DOCK2: variants seen among roughly 807,000 people sequenced by gnomAD.
DOCK2 encodes the protein dedicator of cytokinesis protein 2.
In DOCK2, 87 loss-of-function variants were observed where a neutral mutation model predicts 248.9. The ratio of observed to expected loss-of-function variants is 0.35; its 90% CI spans 0.29 to 0.42. DOCK2 has a LOEUF of 0.42. DOCK2 is among the 10% of genes least tolerant of loss of function. The probability of loss-of-function intolerance (pLI) is 1.00; values close to 1 mark genes in which losing one functional copy is unlikely to be tolerated. For missense variants in DOCK2, 1,747 were observed against 2,300.2 expected (o/e 0.76, Z 4.92); for synonymous variants, 805 against 821.6 (o/e 0.98, Z 0.35).
At chr5:169,805,223 A>AG (rs1767284964) in intron 26 of DOCK2, among the ~76,000 whole-genome samples, 1 of 151,502 alleles carries the variant, frequency 6.6e-6, no homozygotes. Flanking sequence ...CTACAAAAAA[A>AG]AAAAAAAAAA....
intron 5 of DOCK2, among the ~76,000 whole-genome samples, chr5:169,671,479 C>T (rs1759048367): frequency 1.3e-5 from 2 of 152,158 alleles, no homozygotes; most frequent in Non-Finnish European, 2.9e-5. Context: ...AAAGCTTCCT[C>T]CCAAGGGGTT....
chr5:169,945,776 A>C (rs962900498), intron 27 of DOCK2, among the ~76,000 whole-genome samples: 6 of 152,216 alleles, frequency 3.9e-5, no homozygotes, highest in Admixed American at 3.3e-4. Context: ...GCTTTTCTTC[A>C]GCAGCCAGCA....
chr5:169,778,043 A>G (rs1201491349), intron 25 of DOCK2, among the ~76,000 whole-genome samples: 1 of 152,148 alleles, frequency 6.6e-6, no homozygotes, highest in African/African-American at 2.4e-5. Flanking sequence ...GCTAACTGTA[A>G]CCTAGGGTTC....
intron 38 of DOCK2, among the ~76,000 whole-genome samples, chr5:170,044,942 G>C (rs1025957741): frequency 6.6e-6 from 1 of 152,094 alleles, no homozygotes; most frequent in African/African-American, 2.4e-5. Flanking sequence ...TGACTCTGCA[G>C]ACCGTCCTGA....
intron 5 of DOCK2, 66 bp from the exon 6 acceptor site, chr5:169,674,231 A>G: frequency 6.3e-7 from 1 of 1,578,050 alleles, no homozygotes. Flanking sequence ...ACTTTGGCAC[A>G]GCCTGCCAAA....
chr5:169,822,784 G>A (rs897130213), intron 26 of DOCK2, among the ~76,000 whole-genome samples: 2 of 152,164 alleles, frequency 1.3e-5, no homozygotes, highest in African/African-American at 4.8e-5. Context: ...AGAACTGAAG[G>A]AGATAGAGAC....
chr5:169,994,008 TC>T (rs1184959965), intron 29 of DOCK2, among the ~76,000 whole-genome samples: 6 of 152,082 alleles, frequency 3.9e-5, no homozygotes, highest in Admixed American at 2.6e-4. Flanking sequence ...TTTCCTTTTT[TC>T]CCCCCACTCT....
At chr5:170,020,731 C>G (rs1755691704) in intron 33 of DOCK2, among the ~76,000 whole-genome samples, 1 of 152,248 alleles carries the variant, frequency 6.6e-6, no homozygotes, top group South Asian at 2.1e-4. Flanking sequence ...CCGTACTATC[C>G]AGCCACCAGT....
intron 1 of DOCK2, among the ~76,000 whole-genome samples, chr5:169,642,114 C>G (rs563184004): frequency 6.6e-6 from 1 of 152,314 alleles, no homozygotes; most frequent in South Asian, 2.1e-4. Flanking sequence ...CAAACATACC[C>G]AGGAGCAGAA....
At chr5:169,719,062 C>T (rs1292015642) in intron 22 of DOCK2, among the ~76,000 whole-genome samples, 1 of 152,192 alleles carries the variant, frequency 6.6e-6, no homozygotes, top group Non-Finnish European at 1.5e-5. Flanking sequence ...TAACATTCTT[C>T]ATTTGATTTG....
At chr5:169,828,259 G>A (rs1207016225) in intron 26 of DOCK2, among the ~76,000 whole-genome samples, 1 of 152,188 alleles carries the variant, frequency 6.6e-6, no homozygotes, top group Admixed American at 6.5e-5. Context: ...AAGGAAAAGA[G>A]GTTCAAGGGT....
At chr5:169,981,886 T>C (rs1378270511) in intron 27 of DOCK2, among the ~76,000 whole-genome samples, 2 of 152,222 alleles carry the variant, frequency 1.3e-5, no homozygotes, top group Non-Finnish European at 2.9e-5. Flanking sequence ...AACTTTTATA[T>C]GCACTGAGAA....
At chr5:169,938,460 ACT>A (rs1468933248) in intron 27 of DOCK2, among the ~76,000 whole-genome samples, 4 of 152,102 alleles carry the variant, frequency 2.6e-5, no homozygotes, top group Non-Finnish European at 4.4e-5. Context: ...ATAGCATGTT[ACT>A]CTCCCGAATA....
intron 22 of DOCK2, among the ~76,000 whole-genome samples, chr5:169,737,477 T>A (rs1352600773): frequency 6.6e-6 from 1 of 152,142 alleles, no homozygotes; most frequent in African/African-American, 2.4e-5. Flanking sequence ...CTAGAATCCT[T>A]AGAATCTCCA....
chr5:170,036,624 C>A, intron 36 of DOCK2, 69 bp downstream of exon 36: 1 of 1,466,594 alleles, frequency 6.8e-7, no homozygotes, highest in South Asian at 1.2e-5. Context: ...ATCGATGGCT[C>A]CCTGCTGCCT....
At chr5:169,859,547 G>C (rs1771067693) in intron 27 of DOCK2, among the ~76,000 whole-genome samples, 1 of 152,252 alleles carries the variant, frequency 6.6e-6, no homozygotes, top group Non-Finnish European at 1.5e-5. Flanking sequence ...CATACAGCAA[G>C]TTGCCTTGAG....
rs1172692719 is a variant in DOCK2, at chr5:170,081,916, C to T, written c.5362C>T (p.Leu1788Phe). Reference protein sequence around the residue: ...NTSPRLSQTFLQLSDGDKKTL... With the variant: ...NTSPRLSQTFFQLSDGDKKTL... ...ATCTCCCCGCCTCAGCCAGACCTTC[C>T]TCCAACTCTCAGATGGTGACAAGAA... Residue 1788 changes from leucine (L) to phenylalanine (F), a missense_variant, in exon 51 of 52, where the codon CTC (leucine) becomes TTC (phenylalanine). By Grantham distance (22) the Leu-to-Phe change is conservative. Transcript: ENST00000520908. The T allele has an allele frequency of 2.5e-6, 4 of 1,614,052 alleles. No individual in the cohort carries two copies. In the African/African-American group the frequency reaches 4.0e-5, roughly 16 times the overall value.
At chr5:169,696,438 GC>G (rs1017365779) in intron 10 of DOCK2, among the ~76,000 whole-genome samples, 5 of 152,162 alleles carry the variant, frequency 3.3e-5, no homozygotes, top group African/African-American at 1.2e-4. Flanking sequence ...TTCCTCTTAA[GC>G]TTTAGCTCTC....
At chr5:169,959,823 G>A (rs1440228426) in intron 27 of DOCK2, among the ~76,000 whole-genome samples, 2 of 152,142 alleles carry the variant, frequency 1.3e-5, no homozygotes, top group Non-Finnish European at 2.9e-5. Context: ...AATGCTCAGA[G>A]GGCAAAATAG....
Sources: allele counts gnomAD v4.1 joint callset (sites outside exome capture counted in the v4.1 genomes callset), GRCh38; gene constraint gnomAD v4.1.1; transcripts MANE v1.5; gene names NCBI Gene and HGNC (gene_info 2026-07-23, HGNC 2026-07-21).